YLPM1: variants seen among roughly 807,000 people sequenced by gnomAD.
YLPM1 encodes YLP motif-containing protein 1.
In YLPM1, 99 loss-of-function variants were observed where a neutral mutation model predicts 230.0. That is an observed-to-expected ratio of 0.43 (90% CI 0.37 to 0.51). The LOEUF (loss-of-function observed/expected upper bound fraction) is 0.51. Ranked by LOEUF, YLPM1 falls within the 20% of genes least tolerant of loss-of-function variation. YLPM1 has a pLI of 0.00. For missense variants in YLPM1, 2,592 were observed against 2,707.7 expected (o/e 0.96, Z 0.95); for synonymous variants, 984 against 942.5 (o/e 1.04, Z -0.81).
Position 74,782,221 on chromosome 14 carries a change from T to C in YLPM1, c.2178T>C (p.Ala726=). The C allele has an allele frequency of 6.2e-7, 1 of 1,602,266 alleles. No homozygotes were observed. Among genetic ancestry groups the C allele is most frequent in the Non-Finnish European group, 8.5e-7 (1 of 1,179,374 alleles). Residue 726 remains alanine, a synonymous_variant, in exon 4 of 21, where the codon GCT becomes GCC. Transcript: ENST00000325680. ...SDQGLGESSA[A]PSQPITAVKD... ...AAGGACTTGGGGAGTCTTCAGCTGCTCCATCTCAGCCAATCACTGCAGTGA... is the reference window on the plus strand; with the variant it reads ...AAGGACTTGGGGAGTCTTCAGCTGCCCCATCTCAGCCAATCACTGCAGTGA...
rs1333382830 is a variant in YLPM1, at chr14:74,781,334, A to G, written c.1291A>G (p.Thr431Ala). ...QIIQPPPHIQ[T>A]MSVDMQLRHY... The stretch of plus-strand genomic sequence containing the variant: ...ATAGTTTTTATCCCTTTATTTGTAG[A>G]CCATGTCTGTAGATATGCAGCTGCG... The change falls in exon 4 of 21, where the codon ACC (threonine) becomes GCC (alanine). Residue 431 changes from threonine (T) to alanine (A), a missense_variant and splice_region_variant. By Grantham distance (58) the Thr-to-Ala change is moderately conservative. Around this residue, in one of 4 missense-constraint regions of YLPM1, gnomAD observed 1,862 missense variants for 1,819.8 expected, o/e 1.02. Coordinates refer to ENST00000325680, the MANE Select transcript of YLPM1 (RefSeq NM_019589.3). 2 of 1,545,392 alleles carry G rather than the reference A, an allele frequency of 1.3e-6. No homozygotes were observed. Among genetic ancestry groups the G allele is most frequent in the East Asian group, 4.8e-5 (2 of 41,702 alleles).
At position 74,802,639 on chromosome 14, in the gene YLPM1, G is replaced by T. The variant is rs1446295389; in HGVS notation, c.4484G>T (p.Arg1495Ile). The change falls in exon 6 of 21, where the codon AGA becomes ATA. Residue 1495 changes from arginine to isoleucine, a missense_variant. Coordinates refer to ENST00000325680, the MANE Select transcript of YLPM1 (RefSeq NM_019589.3). ...MADHLPPQES[R>I]LQNTSSRPGM... is the part of the protein sequence containing the mutation. ...GACCATCTACCACCTCAGGAATCAA[G>T]ATTGCAGAATACATCTTCAAGACCT... 8.1e-6 allele frequency: 13 copies of T among 1,613,258 alleles called. No homozygotes were observed. Among genetic ancestry groups the T allele is most frequent in the Admixed American group, 1.7e-5 (1 of 59,926 alleles).
chr14:74,795,213 C>T (rs1046794459), intron 4 of YLPM1, among the ~76,000 whole-genome samples: 1 of 152,190 alleles, frequency 6.6e-6, no homozygotes, highest in Non-Finnish European at 1.5e-5. Context: ...TACAGTAACC[C>T]TCTCCATTGC....
intron 6 of YLPM1, among the ~76,000 whole-genome samples, chr14:74,805,530 T>A (rs2091369366): frequency 6.6e-6 from 1 of 151,182 alleles, no homozygotes; most frequent in Admixed American, 6.6e-5. Context: ...AAAAAATTGT[T>A]AGTAGGGACA....
chr14:74,799,336 C>A lies in YLPM1; in HGVS notation c.4039C>A (p.Arg1347=). Residue 1347 remains arginine (R), a synonymous_variant, in exon 5 of 21, where the codon CGG becomes AGG. Coordinates refer to ENST00000325680, the MANE Select transcript of YLPM1 (RefSeq NM_019589.3). ...ACCTCTTCCACCTTTGGATAGATAT[C>A]GGGATGATAGATGGAGAGAAGAAAG... ...LPPLPPLDRY[R]DDRWREERNR... is the part of the protein sequence containing the mutation. 4 of 1,613,876 alleles carry A rather than the reference C, an allele frequency of 2.5e-6. No individual in the cohort carries two copies. The highest frequency in any genetic ancestry group is 3.4e-6 in the Non-Finnish European group (4 of 1,179,866).
chr14:74,770,883 A>G (rs1251969314), intron 1 of YLPM1, among the ~76,000 whole-genome samples: 3 of 152,190 alleles, frequency 2.0e-5, no homozygotes, highest in Non-Finnish European at 4.4e-5. Context: ...AGAGTGATTT[A>G]GAGAGAATAG....
At chr14:74,770,423 A>G (rs2090967220) in intron 1 of YLPM1, among the ~76,000 whole-genome samples, 2 of 152,150 alleles carry the variant, frequency 1.3e-5, no homozygotes, top group Admixed American at 1.3e-4. Flanking sequence ...CAGGAGTTCA[A>G]GACCAGCCTG....
intron 4 of YLPM1, among the ~76,000 whole-genome samples, chr14:74,782,760 A>G (rs934332401): frequency 6.6e-6 from 1 of 152,212 alleles, no homozygotes; most frequent in Non-Finnish European, 1.5e-5. Context: ...GAAATTTAGC[A>G]TAAGGTAAGT....
Position 74,815,965 on chromosome 14 carries a change from G to A in YLPM1, c.5503-238G>A, listed in dbSNP as rs532825974. 5.1e-4 allele frequency among the ~76,000 whole-genome samples: 77 copies of A among 151,858 alleles called. No individual in the cohort carries two copies. In the South Asian group the frequency reaches 5.8e-3, roughly 11 times the overall value. ...TGGTTATTTAGGAGTATGTTGTTTA[G>A]TTTTCACGTATTTGTGAGTTTCTCT... is the stretch of plus-strand genomic sequence containing the variant. On this transcript the variant is annotated intron_variant, in intron 11 of 20. Transcript: ENST00000325680.
chr14:74,799,535 A>T lies in YLPM1; in HGVS notation c.4238A>T (p.His1413Leu), dbSNP rs750932095. 8.7e-6 allele frequency: 14 copies of T among 1,613,972 alleles called. No homozygotes were observed. In the East Asian group the frequency reaches 3.1e-4, roughly 36 times the overall value. Reference protein sequence around the residue: ...DRWYPSDVDRHSPMAEHMPSS... With the variant: ...DRWYPSDVDRLSPMAEHMPSS... ...TGGTACCCATCTGATGTGGATAGACATTCCCCCATGGCGGAACATATGCCC... is the reference window on the plus strand; with the variant it reads ...TGGTACCCATCTGATGTGGATAGACTTTCCCCCATGGCGGAACATATGCCC... Residue 1413 changes from histidine to leucine, a missense_variant, in exon 5 of 21, where the codon CAT (histidine) becomes CTT (leucine). This residue lies in a region of YLPM1 where 1,862 missense variants were observed against 1,819.8 expected (regional missense o/e 1.02). Coordinates refer to ENST00000325680, the MANE Select transcript of YLPM1 (RefSeq NM_019589.3).
At chr14:74,767,683 T>C (rs1260853305) in intron 1 of YLPM1, among the ~76,000 whole-genome samples, 2 of 152,212 alleles carry the variant, frequency 1.3e-5, no homozygotes, top group Non-Finnish European at 2.9e-5. Context: ...GGTCAGTCCC[T>C]CCTATTTTCT....
At chr14:74,833,559 A>G (rs971591602) in intron 19 of YLPM1, among the ~76,000 whole-genome samples, 2 of 152,314 alleles carry the variant, frequency 1.3e-5, no homozygotes, top group South Asian at 2.1e-4. Context: ...GGCTGTATAT[A>G]TGAATTAATC....
Position 74,808,112 on chromosome 14 carries a change from A to G in YLPM1, c.4522-1268A>G, listed in dbSNP as rs560033865. 1.7e-3 allele frequency among the ~76,000 whole-genome samples: 258 copies of G among 152,278 alleles called. 3 individuals carry two copies. Among genetic ancestry groups the G allele is most frequent in the Middle Eastern group, 0.01 (3 of 294 alleles). Reference sequence around the variant, plus strand: ...AGTATGGAAATTTTAAAACGTTTTCATTACCCCTGTAAGATCACTGCACCA... The same window carrying G: ...AGTATGGAAATTTTAAAACGTTTTCGTTACCCCTGTAAGATCACTGCACCA... On this transcript the variant is annotated intron_variant, in intron 6 of 20. Transcript: ENST00000325680.
chr14:74,805,650 C>T (rs1031604907), intron 6 of YLPM1, among the ~76,000 whole-genome samples: 3 of 151,704 alleles, frequency 2.0e-5, no homozygotes, highest in Admixed American at 2.0e-4. Flanking sequence ...TGCACCCAGC[C>T]AACAGTGATT....
intron 20 of YLPM1, 142 bp downstream of exon 20, chr14:74,835,589 T>A: frequency 1.4e-6 from 1 of 737,042 alleles, no homozygotes. Context: ...TACTAGTTGT[T>A]AACATTTACA....
At position 74,763,497 on chromosome 14, in the gene YLPM1, C is replaced by T. The variant is rs990603349; in HGVS notation, c.8C>T (p.Pro3Leu). 1.7e-5 allele frequency: 25 copies of T among 1,486,870 alleles called. No homozygotes were observed. The highest frequency in any genetic ancestry group is 2.1e-5 in the Non-Finnish European group (23 of 1,115,178). 92.1% of individuals were successfully genotyped at this position (1,486,870 alleles called of 1,614,324 possible). A position where few individuals can be genotyped will look rare whatever the true frequency, so the allele number is the denominator to read the frequency against. ...TGCGCCTTCTTTTTCGATATGTACC[C>T]GAATTGGGGCCGGTATGGCGGGAGC... The part of the protein sequence containing the change: MY[P>L]NWGRYGGSSH... Residue 3 changes from proline (P) to leucine (L), a missense_variant, in exon 1 of 21, where the codon CCG becomes CTG. Physicochemically the swap from Pro to Leu is moderately conservative, Grantham distance 98. Transcript: ENST00000325680.
intron 1 of YLPM1, among the ~76,000 whole-genome samples, chr14:74,765,082 C>T (rs1272141301): frequency 6.6e-6 from 1 of 151,710 alleles, no homozygotes; most frequent in African/African-American, 2.4e-5. Context: ...AAAGAAACAG[C>T]CTTGCAATTT....
At chr14:74,801,661 G>T (rs2091326852) in intron 5 of YLPM1, among the ~76,000 whole-genome samples, 1 of 152,196 alleles carries the variant, frequency 6.6e-6, no homozygotes, top group South Asian at 2.1e-4. Flanking sequence ...TAACTCTGTA[G>T]AGTACGGTGA....
intron 9 of YLPM1, among the ~76,000 whole-genome samples, chr14:74,810,795 G>A (rs1010259445): frequency 2.0e-5 from 3 of 152,022 alleles, no homozygotes; most frequent in Non-Finnish European, 4.4e-5. Context: ...AGGGGGGCAA[G>A]CCCATGAACT....
Sources: allele counts gnomAD v4.1 joint callset (sites outside exome capture counted in the v4.1 genomes callset), GRCh38; gene constraint gnomAD v4.1.1; regional missense constraint gnomAD v4.1.1; transcripts MANE v1.5; gene names NCBI Gene and HGNC (gene_info 2026-07-23, HGNC 2026-07-21).